The following DOCK8 variants were observed in gnomAD, a reference collection of about 807,000 sequenced individuals.
DOCK8 encodes dedicator of cytokinesis protein 8.
Under a neutral mutation model 245.6 loss-of-function variants are expected in DOCK8, and 141 were observed. That is an observed-to-expected ratio of 0.57 (90% CI 0.50 to 0.66). The LOEUF (loss-of-function observed/expected upper bound fraction) is 0.66. Ranked by LOEUF, DOCK8 falls within the 30% of genes least tolerant of loss-of-function variation. The probability of loss-of-function intolerance (pLI) is 0.00; values close to 1 mark genes in which losing one functional copy is unlikely to be tolerated. For synonymous variants in DOCK8, 1,168 were observed against 970.2 expected, an observed-to-expected ratio of 1.20 and a Z score of -3.79; for missense variants, 2,965 against 2,603.4, an observed-to-expected ratio of 1.14 and a Z score of -3.02.
rs551847123 is a variant in DOCK8 at position 274,876 on chromosome 9, T to C, written c.156+3147T>C. On this transcript the variant is annotated intron_variant, in intron 2 of 47. Transcript: ENST00000432829. ...CGTTCTGACCTTCGTTTCTCTTACC[T>C]TTATTTTTACAACCACCATTTCAAT... Among the ~76,000 whole-genome samples, 25 of 152,358 alleles carry C rather than the reference T, an allele frequency of 1.6e-4. No individual in the cohort carries two copies. The South Asian group carries it at 4.8e-3, about 29-fold the overall frequency.
chr9:398,467 A>G (rs1216372649), intron 25 of DOCK8, among the ~76,000 whole-genome samples: 8 of 152,260 alleles, frequency 5.3e-5, no homozygotes, highest in Non-Finnish European at 1.0e-4. Flanking sequence ...TAAAGGACAT[A>G]AACATGAAAA....
chr9:420,748 G>C (rs1469153129), intron 31 of DOCK8, among the ~76,000 whole-genome samples, 165 bp downstream of exon 31: 1 of 152,172 alleles, frequency 6.6e-6, no homozygotes, highest in African/African-American at 2.4e-5. Context: ...TCATTTCACA[G>C]GGAAAGGATC....
chr9:463,399 C>A, intron 46 of DOCK8, 118 bp from the exon 47 acceptor site: 1 of 1,238,796 alleles, frequency 8.1e-7, no homozygotes, highest in Non-Finnish European at 1.2e-6. Flanking sequence ...CCCGATATGC[C>A]ACCCAGTTTG....
intron 2 of DOCK8, among the ~76,000 whole-genome samples, chr9:275,829 T>A (rs543114365): frequency 6.6e-6 from 1 of 151,426 alleles, no homozygotes; most frequent in Admixed American, 6.6e-5. Flanking sequence ...CCTCAAGTGA[T>A]CCACCCACCT....
chr9:372,438 G>T, intron 18 of DOCK8, 152 bp downstream of exon 18: 1 of 725,356 alleles, frequency 1.4e-6, no homozygotes, highest in Non-Finnish European at 2.5e-6. Flanking sequence ...ATAACTGACT[G>T]TGAAACCTCA....
intron 7 of DOCK8, among the ~76,000 whole-genome samples, chr9:317,687 G>A (rs1170082989): frequency 6.6e-6 from 1 of 152,190 alleles, no homozygotes; most frequent in Non-Finnish European, 1.5e-5. Flanking sequence ...GAGTGGTGAG[G>A]ACTGTAGTAA....
intron 14 of DOCK8, among the ~76,000 whole-genome samples, chr9:342,164 C>A (rs114579804): frequency 0.04 from 6,161 of 152,188 alleles, 153 homozygotes; most frequent in Admixed American, 0.074. Context: ...CCCCCCGCTG[C>A]CACCCCAGTC....
intron 40 of DOCK8, among the ~76,000 whole-genome samples, chr9:440,784 GC>G (rs1408409944): frequency 6.6e-6 from 1 of 152,188 alleles, no homozygotes; most frequent in Non-Finnish European, 1.5e-5. Flanking sequence ...TGTCACCCAG[GC>G]TGGAGTGCAG....
At chr9:367,922 A>G (rs1250144320) in intron 14 of DOCK8, 96 bp from the exon 15 acceptor site, 10 of 1,020,748 alleles carry the variant, frequency 9.8e-6, no homozygotes, top group Non-Finnish European at 1.5e-5. Flanking sequence ...CTTTGGAAAA[A>G]GCACCCCATG....
intron 7 of DOCK8, among the ~76,000 whole-genome samples, chr9:319,570 G>C (rs554263921): frequency 6.6e-6 from 1 of 152,228 alleles, no homozygotes; most frequent in East Asian, 1.9e-4. Flanking sequence ...AGTATGAATA[G>C]TAAAAATATA....
At chr9:365,504 T>C (rs1252137296) in intron 14 of DOCK8, 5 of 432,210 alleles carry the variant, frequency 1.2e-5, no homozygotes, top group African/African-American at 6.2e-5. Context: ...GCATATATCA[T>C]GCTTCTATTA....
At chr9:234,696 T>C (rs1316050868) in intron 1 of DOCK8, among the ~76,000 whole-genome samples, 1 of 152,246 alleles carries the variant, frequency 6.6e-6, no homozygotes, top group Non-Finnish European at 1.5e-5. Flanking sequence ...CATCGGCTAC[T>C]GAGGCTTCTG....
chr9:301,099 T>C (rs1320546104), intron 4 of DOCK8, among the ~76,000 whole-genome samples: 1 of 152,106 alleles, frequency 6.6e-6, no homozygotes, highest in Non-Finnish European at 1.5e-5. Context: ...CTCAACAAAA[T>C]ACTACAAACC....
chr9:405,592 A>G (rs1260591778), intron 27 of DOCK8, among the ~76,000 whole-genome samples: 1 of 152,196 alleles, frequency 6.6e-6, no homozygotes, highest in African/African-American at 2.4e-5. Context: ...ACCCCACCTC[A>G]TACATTTTTT....
intron 40 of DOCK8, among the ~76,000 whole-genome samples, chr9:439,750 G>T (rs574527145): frequency 6.6e-6 from 1 of 152,062 alleles, no homozygotes; most frequent in East Asian, 1.9e-4. Context: ...TCACTCCCTC[G>T]TTTTTCCTCT....
chr9:318,404 C>T (rs2050441545), intron 7 of DOCK8, among the ~76,000 whole-genome samples: 1 of 152,192 alleles, frequency 6.6e-6, no homozygotes, highest in South Asian at 2.1e-4. Context: ...GGGAACTTCC[C>T]TGGGATTTTG....
At chr9:354,816 G>A (rs940097213) in intron 14 of DOCK8, among the ~76,000 whole-genome samples, 7 of 152,150 alleles carry the variant, frequency 4.6e-5, no homozygotes, top group African/African-American at 9.7e-5. Context: ...ACAAGCAAGC[G>A]GGAGGGTAAG....
intron 46 of DOCK8, chr9:458,517 A>C (rs1238454649): frequency 1.3e-5 from 2 of 152,250 alleles, no homozygotes; most frequent in Non-Finnish European, 2.9e-5. Flanking sequence ...TGTGCTGAAA[A>C]AGGGGGGCCA....
chr9:313,356 C>T (rs552023981), intron 6 of DOCK8, among the ~76,000 whole-genome samples: 1 of 152,216 alleles, frequency 6.6e-6, no homozygotes, highest in Non-Finnish European at 1.5e-5. Flanking sequence ...CTTCTGTCCA[C>T]CTTCACCAAA....
Sources: allele counts gnomAD v4.1 joint callset (sites outside exome capture counted in the v4.1 genomes callset), GRCh38; gene constraint gnomAD v4.1.1; transcripts MANE v1.5; gene names NCBI Gene and HGNC (gene_info 2026-07-23, HGNC 2026-07-21).